LRRC43: variants seen among roughly 807,000 people sequenced by gnomAD.
LRRC43 encodes leucine rich repeat containing 43, also known as leucine-rich repeat-containing protein 43.
A neutral mutation model predicts 64.3 loss-of-function variants in LRRC43; 62 were observed. The ratio of observed to expected loss-of-function variants is 0.96; its 90% CI spans 0.79 to 1.19. LRRC43 has a LOEUF of 1.19. Among genes scored for constraint, LRRC43 ranks in the 50% most tolerant of loss-of-function variants. The pLI is 0.00. For missense variants in LRRC43, 868 were observed against 845.0 expected (o/e 1.03, Z -0.34); for synonymous variants, 422 against 382.3 (o/e 1.10, Z -1.21).
At chr12:122,189,978 C>T (rs912521410) in intron 4 of LRRC43, 152 bp from the exon 5 acceptor site, 8 of 706,034 alleles carry the variant, frequency 1.1e-5, no homozygotes, top group Middle Eastern at 3.3e-4. Flanking sequence ...GTTCCCGACC[C>T]GGGGTTAACT....
At chr12:122,174,064 C>A (rs1273379477) in intron 1 of LRRC43, 3 of 1,613,200 alleles carry the variant, frequency 1.9e-6, no homozygotes, top group Non-Finnish European at 2.5e-6. Context: ...CCCTGCAGCC[C>A]TGCTGAGCCA....
intron 1 of LRRC43, chr12:122,173,731 T>C (rs1953510562): frequency 4.4e-6 from 4 of 902,926 alleles, no homozygotes; most frequent in Non-Finnish European, 5.2e-6. Context: ...CCCCCATCCC[T>C]TCCTGGCATA....
chr12:122,183,895 C>T (rs142035497), intron 1 of LRRC43, among the ~76,000 whole-genome samples: 103 of 152,164 alleles, frequency 6.8e-4, no homozygotes, highest in Non-Finnish European at 1.4e-3. Flanking sequence ...CACCTGCCAC[C>T]ATGCCCGGCT....
chr12:122,183,482 G>C (rs1026223917), intron 1 of LRRC43, among the ~76,000 whole-genome samples, 188 bp downstream of exon 1: 29 of 152,294 alleles, frequency 1.9e-4, no homozygotes, highest in Admixed American at 2.0e-4. Context: ...GGGGAGGAGA[G>C]CGGGGCCCGT....
In LRRC43 at chr12:122,190,294, A is replaced by C. The variant is rs200480977; in HGVS notation, c.827A>C (p.Gln276Pro). The C allele has an allele frequency of 2.9e-5, 47 of 1,614,062 alleles. No homozygotes were observed. Among genetic ancestry groups the C allele is most frequent in the Non-Finnish European group, 3.6e-5 (43 of 1,180,058 alleles). ...GGCCTCACCATCGACAGCCTGGCCCAGCTCTGCGTGCTGGACGACATCACC... is the reference window on the plus strand; with the variant it reads ...GGCCTCACCATCGACAGCCTGGCCCCGCTCTGCGTGCTGGACGACATCACC... The part of the protein sequence containing the change: ...YRGLTIDSLA[Q>P]LCVLDDITVS... Residue 276 changes from glutamine (Q) to proline (P), a missense_variant, in exon 5 of 12, where the codon CAG becomes CCG. Physicochemically the swap from Gln to Pro is moderately conservative, Grantham distance 76. Coordinates refer to ENST00000339777, the MANE Select transcript of LRRC43 (RefSeq NM_001098519.2).
chr12:122,187,964 T>C, intron 4 of LRRC43, 124 bp downstream of exon 4: 1 of 949,578 alleles, frequency 1.1e-6, no homozygotes, highest in Non-Finnish European at 1.6e-6. Flanking sequence ...GGCTGCTAAA[T>C]CCAGACTTAT....
At position 122,193,156 on chromosome 12, in the gene LRRC43, G is replaced by A. The variant is rs1017196425; in HGVS notation, c.1349+152G>A. 6.6e-5 allele frequency: 47 copies of A among 711,986 alleles called. No homozygotes were observed. In the East Asian group the frequency reaches 1.0e-3, roughly 16 times the overall value. 44.1% of individuals were successfully genotyped at this position (711,986 alleles called of 1,614,324 possible). ...GGCACTTTGGGAGGCAGAGGCGGGC[G>A]GATCACGAGGTCAGGAGATCGAGAC... On this transcript the variant is annotated intron_variant, in intron 7 of 11. Coordinates refer to ENST00000339777, the MANE Select transcript of LRRC43 (RefSeq NM_001098519.2).
chr12:122,197,093 T>C (rs1953780128), intron 7 of LRRC43, among the ~76,000 whole-genome samples: 1 of 152,146 alleles, frequency 6.6e-6, no homozygotes, highest in African/African-American at 2.4e-5. Context: ...AGTTCCTCAT[T>C]GGTCAAGTAC....
intron 4 of LRRC43, chr12:122,189,359 G>A: frequency 2.2e-6 from 1 of 452,934 alleles, no homozygotes. Context: ...GGGAAGGGAA[G>A]CCCCCTCTCT....
rs370340675 is a variant in LRRC43, at chr12:122,188,648, C to T, written c.662+808C>T. ...TAGAGACGGGGTTTCACCATGTTGGCCAGGATGGTCTCGAACTCCTGACCT... is the reference window on the plus strand; with the variant it reads ...TAGAGACGGGGTTTCACCATGTTGGTCAGGATGGTCTCGAACTCCTGACCT... On this transcript the variant is annotated intron_variant, in intron 4 of 11. Transcript: ENST00000339777. Among the ~76,000 whole-genome samples the T allele has an allele frequency of 1.8e-4, 27 of 151,898 alleles. No homozygotes were observed. In the East Asian group the frequency reaches 4.3e-3, roughly 24 times the overall value.
intron 7 of LRRC43, among the ~76,000 whole-genome samples, chr12:122,196,822 A>G (rs1216134115): frequency 6.6e-6 from 1 of 152,146 alleles, no homozygotes; most frequent in Non-Finnish European, 1.5e-5. Context: ...ATGAACAAAC[A>G]GTAATTACAT....
intron 7 of LRRC43, among the ~76,000 whole-genome samples, chr12:122,198,623 C>CTTTTTTT (rs1012460173): frequency 1.2e-4 from 12 of 100,484 alleles, no homozygotes; most frequent in African/African-American, 3.3e-4. Context: ...TGCTTCATTC[C>CTTTTTTT]TTTTTTTTTT....
chr12:122,190,120 C>T lies in LRRC43; in HGVS notation c.663-10C>T, dbSNP rs1401219183. The stretch of plus-strand genomic sequence containing the variant: ...TTCTTGACCCCCAGACGGTCCTGCT[C>T]ACCTTCCAGGCCCAACCTCGTCTCC... On this transcript the variant is annotated splice_polypyrimidine_tract_variant and intron_variant, in intron 4 of 11. Transcript: ENST00000339777. The T allele has an allele frequency of 1.2e-5, 19 of 1,611,246 alleles. No individual in the cohort carries two copies. Among genetic ancestry groups the T allele is most frequent in the Admixed American group, 1.7e-5 (1 of 59,996 alleles).
At position 122,191,460 on chromosome 12, in the gene LRRC43, G is replaced by A; in HGVS notation, c.982G>A (p.Glu328Lys). The A allele has an allele frequency of 6.2e-7, 1 of 1,614,058 alleles. No homozygotes were observed. The highest frequency in any genetic ancestry group is 8.5e-7 in the Non-Finnish European group (1 of 1,180,016). Residue 328 changes from glutamate (E) to lysine (K), a missense_variant, in exon 6 of 12, where the codon GAA becomes AAA. Coordinates refer to ENST00000339777, the MANE Select transcript of LRRC43 (RefSeq NM_001098519.2). ...GVLDTSVLDP[E>K]PRPEGPFITY... ...CCTGGACACCTCTGTCTTAGACCCG[G>A]AACCCAGGCCCGAAGGCCCTTTCAT...
chr12:122,190,920 C>T (rs897932335), intron 5 of LRRC43, among the ~76,000 whole-genome samples: 2 of 151,480 alleles, frequency 1.3e-5, no homozygotes, highest in African/African-American at 4.9e-5. Flanking sequence ...AGTGAGCTAT[C>T]ATCTCACCAC....
At chr12:122,191,269 G>A in intron 5 of LRRC43, 111 bp from the exon 6 acceptor site, 1 of 899,100 alleles carries the variant, frequency 1.1e-6, no homozygotes, top group Non-Finnish European at 1.7e-6. Context: ...CCAAGGCTCA[G>A]CCCTGAGTGC....
upstream of LRRC43, among the ~76,000 whole-genome samples, chr12:122,181,673 T>C (rs1168376627): frequency 6.7e-6 from 1 of 148,350 alleles, no homozygotes; most frequent in East Asian, 2.1e-4. Flanking sequence ...TGATGTGATC[T>C]CGGCTCACTG....
intron 10 of LRRC43, 35 bp from the exon 11 acceptor site, chr12:122,201,261 C>T: frequency 1.2e-6 from 2 of 1,612,230 alleles, no homozygotes; most frequent in Non-Finnish European, 1.7e-6. Flanking sequence ...CTCCCCTCTC[C>T]AGTAAGCATC....
At chr12:122,174,018 G>A (rs1174518500) in intron 1 of LRRC43, 12 of 1,613,336 alleles carry the variant, frequency 7.4e-6, no homozygotes, top group African/African-American at 4.0e-5. Context: ...TGCCGTGAGC[G>A]CATACATCAC....
Sources: allele counts gnomAD v4.1 joint callset (sites outside exome capture counted in the v4.1 genomes callset), GRCh38; gene constraint gnomAD v4.1.1; transcripts MANE v1.5; gene names NCBI Gene and HGNC (gene_info 2026-07-23, HGNC 2026-07-21).